The following BRWD1 variants were observed in gnomAD, a reference collection of about 807,000 sequenced individuals.
The protein encoded by BRWD1 is bromodomain and WD repeat-containing protein 1.
BRWD1 carries 82 observed loss-of-function variants against 251.2 expected under a neutral mutation model. The ratio of observed to expected loss-of-function variants is 0.33; its 90% CI spans 0.27 to 0.39. BRWD1 has a LOEUF of 0.39. Among genes scored for constraint, BRWD1 ranks in the 10% least tolerant of loss-of-function variants. The pLI is 1.00. For synonymous variants in BRWD1, 918 were observed against 902.8 expected (o/e 1.02, Z -0.30); for missense variants, 2,233 against 2,711.6 (o/e 0.82, Z 3.92).
chr21:39,273,635 T>C (rs1302374578), intron 13 of BRWD1, among the ~76,000 whole-genome samples: 1 of 106,128 alleles, frequency 9.4e-6, no homozygotes, highest in Non-Finnish European at 2.4e-5. Flanking sequence ...CTTGGAAGGC[T>C]GAGATGGGGG....
chr21:39,259,577 C>T (rs868751821), intron 17 of BRWD1, among the ~76,000 whole-genome samples: 4 of 152,112 alleles, frequency 2.6e-5, no homozygotes, highest in South Asian at 2.1e-4. Flanking sequence ...GGATTACAGC[C>T]GGGGCGTGGT....
At chr21:39,308,966 G>C (rs929200964) in intron 4 of BRWD1, among the ~76,000 whole-genome samples, 7 of 152,098 alleles carry the variant, frequency 4.6e-5, no homozygotes, top group African/African-American at 1.7e-4. Flanking sequence ...ACAAGGTCAA[G>C]AGATGGAGAC....
At chr21:39,236,923 C>A in intron 22 of BRWD1, 139 bp from the exon 23 acceptor site, 1 of 652,610 alleles carries the variant, frequency 1.5e-6, no homozygotes. Flanking sequence ...TGAGCATTCT[C>A]CCCTCACTAC....
chr21:39,274,233 T>C, intron 13 of BRWD1, 141 bp downstream of exon 13: 2 of 654,508 alleles, frequency 3.1e-6, no homozygotes, highest in Non-Finnish European at 5.4e-6. Context: ...TATTCACTTA[T>C]ACCACAGCTC....
chr21:39,238,627 G>A (rs2033891910), intron 21 of BRWD1, 54 bp from the exon 22 acceptor site: 3 of 1,251,872 alleles, frequency 2.4e-6, no homozygotes, highest in East Asian at 2.3e-5. Flanking sequence ...AACAACACAT[G>A]TCCAGAAAAA....
chr21:39,281,744 C>A (rs974283198), intron 8 of BRWD1, among the ~76,000 whole-genome samples: 1 of 151,944 alleles, frequency 6.6e-6, no homozygotes, highest in Non-Finnish European at 1.5e-5. Context: ...GGCGGATGCC[C>A]ATAATCCCAG....
rs2035057708 is a variant in BRWD1 at position 39,270,267 on chromosome 21, A to T, written c.1395+16T>A. ...CAAAAAATCTCATTTGTTACACTGT[A>T]CCAGAAATTACCTACCATTAAGTTA... On this transcript the variant is annotated intron_variant, in intron 14 of 40. Coordinates refer to ENST00000342449, the MANE Select transcript of BRWD1 (RefSeq NM_033656.4). The T allele has an allele frequency of 6.5e-7, 1 of 1,546,384 alleles. No individual in the cohort carries two copies. The highest frequency in any genetic ancestry group is 1.4e-5 in the African/African-American group (1 of 72,024).
rs2031598796 is a variant in BRWD1 at position 39,192,404 on chromosome 21, GAC to G, written c.*3853_*3854del. 2.0e-6 allele frequency: 2 copies of G among 985,042 alleles called. No homozygotes were observed. Among genetic ancestry groups the G allele is most frequent in the Admixed American group, 6.2e-5 (1 of 16,246 alleles). 61.0% of individuals were successfully genotyped at this position (985,042 alleles called of 1,614,324 possible). A position where few individuals can be genotyped will look rare whatever the true frequency, so the allele number is the denominator to read the frequency against. On this transcript the variant is annotated 3_prime_UTR_variant, in exon 41 of 41. Transcript: ENST00000342449. ...TCTCTTCCCAAATACTAGGATAAGA[GAC>G]AGTCTCAAACTGTTAAGTTGCAAAT...
At chr21:39,242,384 T>G (rs568390018) in intron 21 of BRWD1, among the ~76,000 whole-genome samples, 1 of 152,290 alleles carries the variant, frequency 6.6e-6, no homozygotes, top group East Asian at 1.9e-4. Context: ...CTATGAAGGC[T>G]GAGAGGTGAC....
At position 39,191,728 on chromosome 21, in the gene BRWD1, G is replaced by GTCT; in HGVS notation, c.*4530_*4531insAGA. The GTCT allele has an allele frequency of 1.0e-6, 1 of 985,188 alleles. No individual in the cohort carries two copies. The highest frequency in any genetic ancestry group is 1.7e-5 in the African/African-American group (1 of 57,292). The allele number at this position is 985,188 out of a possible 1,614,324, so 61.0% of individuals were successfully genotyped here. Reference sequence around the variant, plus strand: ...AATGATTTACCTTGTAAAACAAAGGGGTAGAGCTGCTACAGTCCATCTAGG... The same window carrying GTCT: ...AATGATTTACCTTGTAAAACAAAGGGTCTGTAGAGCTGCTACAGTCCATCTAGG... On this transcript the variant is annotated 3_prime_UTR_variant, in exon 41 of 41. Transcript: ENST00000342449.
chr21:39,227,022 C>G (rs996965701), intron 27 of BRWD1, among the ~76,000 whole-genome samples: 1 of 151,876 alleles, frequency 6.6e-6, no homozygotes, highest in Non-Finnish European at 1.5e-5. Context: ...TTTGTATGCA[C>G]TATAATTAAG....
intron 32 of BRWD1, among the ~76,000 whole-genome samples, chr21:39,214,869 AT>A (rs920764489): frequency 1.3e-4 from 16 of 122,084 alleles, no homozygotes; most frequent in Admixed American, 4.2e-4. Flanking sequence ...AAACTAGATG[AT>A]TTTTTTTTCC....
intron 8 of BRWD1, among the ~76,000 whole-genome samples, chr21:39,290,352 G>A (rs1421107475): frequency 2.0e-5 from 3 of 152,048 alleles, no homozygotes; most frequent in East Asian, 1.9e-4. Flanking sequence ...AGCCGGGCGT[G>A]GTGGCACGTG....
intron 5 of BRWD1, 44 bp from the exon 6 acceptor site, chr21:39,296,407 C>T: frequency 6.7e-7 from 1 of 1,502,642 alleles, no homozygotes; most frequent in Non-Finnish European, 8.9e-7. Flanking sequence ...TGAAAGTTAA[C>T]CCCAAGAAAG....
At chr21:39,274,545 CA>C in intron 12 of BRWD1, 73 bp from the exon 13 acceptor site, 4 of 1,182,964 alleles carry the variant, frequency 3.4e-6, no homozygotes, top group Non-Finnish European at 5.0e-6. Flanking sequence ...AAATCACATG[CA>C]AAAAAAGAAT....
chr21:39,224,856 G>A (rs2033317763), intron 28 of BRWD1, among the ~76,000 whole-genome samples: 1 of 152,096 alleles, frequency 6.6e-6, no homozygotes, highest in African/African-American at 2.4e-5. Context: ...GAAATATTAG[G>A]TGGCTACAGA....
At chr21:39,252,397 C>T (rs2034424938) in intron 19 of BRWD1, among the ~76,000 whole-genome samples, 1 of 152,128 alleles carries the variant, frequency 6.6e-6, no homozygotes, top group Non-Finnish European at 1.5e-5. Context: ...CTGTCATTTA[C>T]CTTTATGCTT....
At chr21:39,259,239 T>TTAC (rs1352455887) in intron 17 of BRWD1, among the ~76,000 whole-genome samples, 6 of 152,158 alleles carry the variant, frequency 3.9e-5, no homozygotes, top group Non-Finnish European at 8.8e-5. Context: ...TAATCTCAAA[T>TTAC]TACTCTCTTA....
At chr21:39,262,735 T>C (rs937614654) in intron 17 of BRWD1, among the ~76,000 whole-genome samples, 1 of 151,860 alleles carries the variant, frequency 6.6e-6, no homozygotes, top group Non-Finnish European at 1.5e-5. Context: ...ACTTTGTATA[T>C]AAAACCCTCT....
Sources: gnomAD v4.1 joint callset for allele counts (sites outside exome capture counted in the v4.1 genomes callset) on GRCh38, gnomAD v4.1.1 for gene constraint, MANE v1.5 for transcripts, NCBI Gene and HGNC (gene_info 2026-07-23, HGNC 2026-07-21) for gene names.